Variants in LRCH1 observed in about 807,000 individuals in gnomAD.
LRCH1 encodes leucine rich repeats and calponin homology domain containing 1, also known as leucine-rich repeat and calponin homology domain-containing protein 1.
Under a neutral mutation model 94.9 loss-of-function variants are expected in LRCH1, and 23 were observed. The observed-to-expected ratio is 0.24, with a 90% CI of 0.17 to 0.34. The LOEUF (loss-of-function observed/expected upper bound fraction) is 0.34. LRCH1 is among the 10% of genes least tolerant of loss of function. The pLI is 1.00. For synonymous variants in LRCH1, 364 were observed against 354.9 expected, an observed-to-expected ratio of 1.03 and a Z score of -0.29; for missense variants, 790 against 945.9, an observed-to-expected ratio of 0.84 and a Z score of 2.16.
chr13:46,745,718 A>G (rs1240206347), downstream of LRCH1, among the ~76,000 whole-genome samples: 1 of 152,218 alleles, frequency 6.6e-6, no homozygotes, highest in Non-Finnish European at 1.5e-5. Flanking sequence ...TTAAAGCTCA[A>G]ACAGTGTAGT....
intron 1 of LRCH1, among the ~76,000 whole-genome samples, chr13:46,645,175 C>A (rs1027384828): frequency 2.6e-5 from 4 of 152,124 alleles, no homozygotes; most frequent in Admixed American, 6.5e-5. Context: ...CTAATTAGTG[C>A]AATATTCTAG....
At chr13:46,670,795 G>A (rs2051590451) in intron 3 of LRCH1, among the ~76,000 whole-genome samples, 1 of 149,154 alleles carries the variant, frequency 6.7e-6, no homozygotes, top group Non-Finnish European at 1.5e-5. Flanking sequence ...ATAAGCCCAT[G>A]TGGGATTTCC....
Position 46,657,500 on chromosome 13 carries a change from C to CTTTTTTTTTTTTT in LRCH1, c.452+7185_452+7197dup, listed in dbSNP as rs67588975. Among the ~76,000 whole-genome samples, 26 of 11,358 alleles carry CTTTTTTTTTTTTT rather than the reference C, an allele frequency of 2.3e-3. 3 individuals are homozygous for CTTTTTTTTTTTTT. The highest frequency in any genetic ancestry group is 3.3e-3 in the Non-Finnish European group (20 of 6,122). The allele number at this position is 11,358 out of a possible 152,430, so 7.5% of individuals were successfully genotyped here. On this transcript the variant is annotated intron_variant, in intron 2 of 19. Coordinates refer to ENST00000389797, the MANE Select transcript of LRCH1 (RefSeq NM_001164211.2). The stretch of plus-strand genomic sequence containing the variant: ...TCATTTTTACTTTTTCTTTTCTTTT[C>CTTTTTTTTTTTTT]TTTTTTTTTTTTTTTTTTTTTTTTT...
chr13:46,712,722 T>A (rs1266677648), intron 15 of LRCH1, 125 bp downstream of exon 15: 6 of 843,516 alleles, frequency 7.1e-6, no homozygotes, highest in Non-Finnish European at 1.2e-5. Flanking sequence ...TCCTGGCATC[T>A]ACAGCTAGGG....
At chr13:46,728,496 G>A (rs527284417) in intron 17 of LRCH1, among the ~76,000 whole-genome samples, 1 of 152,236 alleles carries the variant, frequency 6.6e-6, no homozygotes, top group African/African-American at 2.4e-5. Flanking sequence ...GATTACAGGC[G>A]TGAGCCACTG....
intron 2 of LRCH1, among the ~76,000 whole-genome samples, chr13:46,660,531 T>C (rs1483668596): frequency 1.3e-5 from 2 of 152,178 alleles, no homozygotes; most frequent in Non-Finnish European, 2.9e-5. Context: ...TTTTGTATTT[T>C]CTCTGAGCTT....
intron 14 of LRCH1, 94 bp from the exon 15 acceptor site, chr13:46,712,431 G>C (rs1416523118): frequency 3.0e-6 from 3 of 987,872 alleles, no homozygotes; most frequent in Admixed American, 2.1e-5. Flanking sequence ...AAAGGGAGTA[G>C]TTTTGTTACA....
chr13:46,725,265 G>A (rs1872757395), intron 17 of LRCH1, among the ~76,000 whole-genome samples: 1 of 152,190 alleles, frequency 6.6e-6, no homozygotes, highest in South Asian at 2.1e-4. Flanking sequence ...CACTGCTTAG[G>A]TGACAGGATC....
chr13:46,650,129 G>A, intron 1 of LRCH1, 72 bp from the exon 2 acceptor site: 1 of 1,075,762 alleles, frequency 9.3e-7, no homozygotes, highest in East Asian at 2.5e-5. Flanking sequence ...GAAAAACAGT[G>A]TTTGTGGTTA....
At chr13:46,619,497 A>G (rs2050855763) in intron 1 of LRCH1, among the ~76,000 whole-genome samples, 1 of 152,232 alleles carries the variant, frequency 6.6e-6, no homozygotes, top group South Asian at 2.1e-4. Context: ...CGGGAAATCC[A>G]TTAAGGAATA....
chr13:46,741,919 C>T lies in LRCH1; in HGVS notation c.*71C>T. On this transcript the variant is annotated 3_prime_UTR_variant, in exon 20 of 20. Transcript: ENST00000389797. Reference sequence around the variant, plus strand: ...TTGCAGGGTCCTTCCTACCTTTGAGCCTTTGCCTTGCAAACTTCCATCCCT... The same window carrying T: ...TTGCAGGGTCCTTCCTACCTTTGAGTCTTTGCCTTGCAAACTTCCATCCCT... 1 of 1,596,890 alleles carries T rather than the reference C, an allele frequency of 6.3e-7. No homozygotes were observed. The highest frequency in any genetic ancestry group is 8.5e-7 in the Non-Finnish European group (1 of 1,169,990).
Position 46,587,978 on chromosome 13 carries a change from AG to A in LRCH1, c.307+34276del, listed in dbSNP as rs369099726. On this transcript the variant is annotated intron_variant, in intron 1 of 19. Coordinates refer to ENST00000389797, the MANE Select transcript of LRCH1 (RefSeq NM_001164211.2). ...AAGGGATGCTGGGGCTAAGACTATT[AG>A]CATTATGGGAATATTTAAATATAAT... is the stretch of plus-strand genomic sequence containing the variant. Among the ~76,000 whole-genome samples, 320 of 152,338 alleles carry A rather than the reference AG, an allele frequency of 2.1e-3. 1 individual carries two copies. The highest frequency in any genetic ancestry group is 7.3e-3 in the African/African-American group (304 of 41,570).
chr13:46,735,084 A>G (rs926763948), intron 19 of LRCH1, among the ~76,000 whole-genome samples: 1 of 152,044 alleles, frequency 6.6e-6, no homozygotes, highest in African/African-American at 2.4e-5. Context: ...AAAGGAGAGC[A>G]TTATTTAAAA....
Position 46,582,690 on chromosome 13 carries a change from G to A in LRCH1, c.307+28987G>A, listed in dbSNP as rs182231578. Among the ~76,000 whole-genome samples, 399 of 45,208 alleles carry A rather than the reference G, an allele frequency of 8.8e-3. 1 individual carries two copies. The highest frequency in any genetic ancestry group is 0.016 in the Admixed American group (50 of 3,160). The allele number at this position is 45,208 out of a possible 152,430, so 29.7% of individuals were successfully genotyped here. On this transcript the variant is annotated intron_variant, in intron 1 of 19. Transcript: ENST00000389797. ...TTTTTTTTGTATTTTTAGTAGAGAC[G>A]GGGTCTCAACATGTTGCCCAGGCTG...
At chr13:46,653,031 A>G (rs903765126) in intron 2 of LRCH1, among the ~76,000 whole-genome samples, 2 of 152,182 alleles carry the variant, frequency 1.3e-5, no homozygotes, top group African/African-American at 4.8e-5. Context: ...TGCAGTATGG[A>G]TCTGAGGATG....
intron 18 of LRCH1, among the ~76,000 whole-genome samples, chr13:46,750,358 C>T (rs1367216516): frequency 6.6e-6 from 1 of 152,074 alleles, no homozygotes; most frequent in Non-Finnish European, 1.5e-5. Flanking sequence ...TCATTATTTT[C>T]TCTGCAAACA....
Position 46,684,246 on chromosome 13 carries a change from C to CTTT in LRCH1, c.686-1651_686-1649dup, listed in dbSNP as rs10641089. ...TTTCTTACTCCCTTTCTCTACTCCA[C>CTTT]TTTTTTTTTTACCTTTCCTGGGCTG... On this transcript the variant is annotated intron_variant, in intron 4 of 19. Transcript: ENST00000389797. Among the ~76,000 whole-genome samples the CTTT allele has an allele frequency of 2.7e-3, 397 of 149,378 alleles. 1 individual carries two copies. Among genetic ancestry groups the CTTT allele is most frequent in the Non-Finnish European group, 3.7e-3 (246 of 67,180 alleles).
At chr13:46,699,526 A>G (rs934500204) in intron 10 of LRCH1, 123 bp downstream of exon 10, 1 of 825,328 alleles carries the variant, frequency 1.2e-6, no homozygotes, top group Non-Finnish European at 2.0e-6. Flanking sequence ...ATTCTTACAG[A>G]CAATATTGAT....
At chr13:46,751,614 T>C (rs190860261) in exon 19 of LRCH1, 3 of 152,370 alleles carry the variant, frequency 2.0e-5, no homozygotes, top group East Asian at 3.9e-4. Context: ...ACATTCACGT[T>C]TTAACACAAA....
Sources: gnomAD v4.1 joint callset for allele counts (sites outside exome capture counted in the v4.1 genomes callset) on GRCh38, gnomAD v4.1.1 for gene constraint, MANE v1.5 for transcripts, NCBI Gene and HGNC (gene_info 2026-07-23, HGNC 2026-07-21) for gene names.